The following CCDC83 variants were observed in gnomAD, a reference collection of about 807,000 sequenced individuals.
CCDC83 encodes the protein coiled-coil domain-containing protein 83.
A neutral mutation model predicts 50.1 loss-of-function variants in CCDC83; 54 were observed. The ratio of observed to expected loss-of-function variants is 1.08; its 90% confidence interval spans 0.87 to 1.35. CCDC83 has a LOEUF of 1.35. CCDC83 is among the 40% of genes most tolerant of loss of function. CCDC83 has a pLI of 0.00. For missense variants in CCDC83, 518 were observed against 473.9 expected (o/e 1.09, Z -0.86); for synonymous variants, 161 against 153.3 (o/e 1.05, Z -0.37).
intron 8 of CCDC83, 49 bp downstream of exon 8, chr11:85,911,451 C>T (rs772689151): frequency 2.1e-6 from 3 of 1,449,884 alleles, no homozygotes; most frequent in South Asian, 1.5e-5. Context: ...TTTGTATCTG[C>T]TGTAAAAAGT....
chr11:85,869,254 A>G (rs1483792833), intron 2 of CCDC83, among the ~76,000 whole-genome samples: 1 of 152,218 alleles, frequency 6.6e-6, no homozygotes, highest in Non-Finnish European at 1.5e-5. Context: ...TTCCCGGAAC[A>G]TAAGGTCATG....
chr11:85,861,205 T>C (rs1321067815), intron 1 of CCDC83, among the ~76,000 whole-genome samples: 1 of 152,272 alleles, frequency 6.6e-6, no homozygotes, highest in Non-Finnish European at 1.5e-5. Flanking sequence ...ATGAATGGTT[T>C]TGAATATGTA....
At chr11:85,867,576 C>T (rs1417443858) in intron 2 of CCDC83, among the ~76,000 whole-genome samples, 1 of 152,124 alleles carries the variant, frequency 6.6e-6, no homozygotes, top group African/African-American at 2.4e-5. Context: ...AGATACTATT[C>T]ATACTCATTT....
chr11:85,886,578 G>A (rs573919791), intron 5 of CCDC83, among the ~76,000 whole-genome samples: 1 of 152,158 alleles, frequency 6.6e-6, no homozygotes, highest in Admixed American at 6.5e-5. Flanking sequence ...TAAAGAAATG[G>A]GCGGGTGGGG....
chr11:85,895,269 T>TTTC, intron 5 of CCDC83, 24 bp from the exon 6 acceptor site: 2 of 665,690 alleles, frequency 3.0e-6, no homozygotes, highest in South Asian at 2.1e-5. Context: ...ATTTTCTTTT[T>TTTC]TTTTTTTTTT....
chr11:85,886,175 G>T (rs1451918792), intron 4 of CCDC83, 25 bp from the exon 5 acceptor site: 1 of 1,500,400 alleles, frequency 6.7e-7, no homozygotes, highest in South Asian at 1.4e-5. Flanking sequence ...AAACAGAAAT[G>T]ACACAGTGTC....
chr11:85,874,745 T>A (rs978652148), intron 3 of CCDC83, among the ~76,000 whole-genome samples: 9 of 152,258 alleles, frequency 5.9e-5, no homozygotes, highest in African/African-American at 1.9e-4. Context: ...AAGTTATTAA[T>A]GACTAATTTG....
At chr11:85,891,640 G>A (rs980688279) in intron 5 of CCDC83, among the ~76,000 whole-genome samples, 2 of 152,056 alleles carry the variant, frequency 1.3e-5, no homozygotes, top group African/African-American at 2.4e-5. Flanking sequence ...TCAAGACTCC[G>A]TACAAAAAAG....
chr11:85,903,554 C>T (rs1484944266), intron 7 of CCDC83, among the ~76,000 whole-genome samples: 2 of 152,062 alleles, frequency 1.3e-5, no homozygotes, highest in Non-Finnish European at 2.9e-5. Flanking sequence ...CCACCCGCCT[C>T]GGCCTCCAAC....
chr11:85,908,305 C>T (rs2093434194), intron 7 of CCDC83, among the ~76,000 whole-genome samples: 1 of 152,078 alleles, frequency 6.6e-6, no homozygotes, highest in Non-Finnish European at 1.5e-5. Context: ...TAGCTCTGAA[C>T]CTTGCCCATA....
chr11:85,912,716 T>C (rs1460616898), intron 8 of CCDC83: 1 of 1,610,966 alleles, frequency 6.2e-7, no homozygotes. Context: ...TTTGGAATCA[T>C]GTCTAATCTC....
At chr11:85,912,859 A>G in intron 8 of CCDC83, 1 of 710,706 alleles carries the variant, frequency 1.4e-6, no homozygotes. Context: ...CTCTACCTGG[A>G]TCAACTCAGT....
At chr11:85,869,437 T>C (rs1326917323) in intron 2 of CCDC83, among the ~76,000 whole-genome samples, 1 of 151,986 alleles carries the variant, frequency 6.6e-6, no homozygotes. Context: ...GGTATGGTTA[T>C]AGGTTTAAAG....
chr11:85,899,136 T>C (rs1018999544), intron 7 of CCDC83, 121 bp downstream of exon 7: 2 of 682,944 alleles, frequency 2.9e-6, no homozygotes, highest in African/African-American at 3.6e-5. Flanking sequence ...TGAGACAAAA[T>C]AAAATTCAAG....
At chr11:85,918,898 C>T (rs1218481940) in intron 10 of CCDC83, among the ~76,000 whole-genome samples, 1 of 152,218 alleles carries the variant, frequency 6.6e-6, no homozygotes, top group Non-Finnish European at 1.5e-5. Flanking sequence ...GGATATTTAA[C>T]CTTTTATCTG....
chr11:85,884,070 C>T (rs574401492), intron 4 of CCDC83, among the ~76,000 whole-genome samples: 3 of 152,272 alleles, frequency 2.0e-5, no homozygotes, highest in East Asian at 1.9e-4. Context: ...CAGCTGTGCT[C>T]GCTAAACTGC....
rs563691109 is a variant in CCDC83 at position 85,878,093 on chromosome 11, C to G, written c.181-4420C>G. Among the ~76,000 whole-genome samples the G allele has an allele frequency of 2.4e-4, 37 of 151,960 alleles. 2 individuals are homozygous for G. Among genetic ancestry groups the G allele is most frequent in the African/African-American group, 8.9e-4 (37 of 41,504 alleles). ...TTTTTCAGTTGTTAATATTCATTGG[C>G]CTTCATTTTTTAGTTAAACTTCATT... On this transcript the variant is annotated intron_variant, in intron 3 of 10. Transcript: ENST00000342404.
chr11:85,895,575 A>C lies in CCDC83; in HGVS notation c.603+191A>C, dbSNP rs111229867. On this transcript the variant is annotated intron_variant, in intron 6 of 10. Transcript: ENST00000342404. ...AAATGAAATATAATTTGTCTAAAAAATACTTTATTTTATATCCAAACCTAA... is the reference window on the plus strand; with the variant it reads ...AAATGAAATATAATTTGTCTAAAAACTACTTTATTTTATATCCAAACCTAA... 7.2e-4 allele frequency among the ~76,000 whole-genome samples: 110 copies of C among 152,296 alleles called. 1 individual carries two copies. Among genetic ancestry groups the C allele is most frequent in the African/African-American group, 2.5e-3 (105 of 41,564 alleles).
chr11:85,917,134 AAGAGAGAG>A (rs201907138), intron 10 of CCDC83, among the ~76,000 whole-genome samples: 76 of 77,966 alleles, frequency 9.7e-4, no homozygotes, highest in Middle Eastern at 7.0e-3. Context: ...AAGAAAAAGA[AAGAGAGAG>A]AGAGAGAGAG....
Sources: gnomAD v4.1 joint callset for allele counts (sites outside exome capture counted in the v4.1 genomes callset) on GRCh38, gnomAD v4.1.1 for gene constraint, MANE v1.5 for transcripts, NCBI Gene and HGNC (gene_info 2026-07-23, HGNC 2026-07-21) for gene names.